MYO6: variants seen among roughly 807,000 people sequenced by gnomAD.
MYO6 encodes unconventional myosin-VI.
In MYO6, 74 loss-of-function variants were observed where a neutral mutation model predicts 178.7. The observed-to-expected ratio is 0.41, with a 90% CI of 0.34 to 0.50. MYO6 has a LOEUF of 0.50. Among genes scored for constraint, MYO6 ranks in the 20% least tolerant of loss-of-function variants. MYO6 has a pLI of 0.09. For missense variants in MYO6, 1,330 were observed against 1,547.4 expected, an observed-to-expected ratio of 0.86 and a Z score of 2.36; for synonymous variants, 477 against 504.6, an observed-to-expected ratio of 0.95 and a Z score of 0.73.
At chr6:75,895,517 A>C (rs1779224194) in intron 29 of MYO6, among the ~76,000 whole-genome samples, 1 of 150,462 alleles carries the variant, frequency 6.6e-6, no homozygotes, top group African/African-American at 2.4e-5. Context: ...TATATATATG[A>C]ATTTTTTTTT....
At chr6:75,885,107 T>G (rs1298850947) in intron 23 of MYO6, among the ~76,000 whole-genome samples, 1 of 152,202 alleles carries the variant, frequency 6.6e-6, no homozygotes, top group Non-Finnish European at 1.5e-5. Context: ...AAGGACAGCT[T>G]AGAGGTTAGA....
At chr6:75,860,450 T>G (rs1294415655) in intron 14 of MYO6, among the ~76,000 whole-genome samples, 1 of 152,226 alleles carries the variant, frequency 6.6e-6, no homozygotes, top group African/African-American at 2.4e-5. Context: ...AAAAACTTTA[T>G]CTAGAAATAT....
At chr6:75,859,533 C>T (rs1776013505) in intron 14 of MYO6, among the ~76,000 whole-genome samples, 1 of 152,070 alleles carries the variant, frequency 6.6e-6, no homozygotes, top group Non-Finnish European at 1.5e-5. Context: ...CTCTTGGCCT[C>T]AAGTAATCTG....
intron 1 of MYO6, among the ~76,000 whole-genome samples, chr6:75,796,210 T>C (rs548368050): frequency 4.6e-5 from 7 of 152,220 alleles, no homozygotes; most frequent in Non-Finnish European, 1.0e-4. Context: ...CAGTGACCTT[T>C]CTAATATGCA....
chr6:75,840,200 C>T (rs999229789), intron 7 of MYO6, among the ~76,000 whole-genome samples: 14 of 135,510 alleles, frequency 1.0e-4, no homozygotes, highest in East Asian at 8.3e-4. Context: ...TTGTTCTTGT[C>T]GCCCAGGCTG....
rs910973325 is a variant in MYO6 at position 75,914,917 on chromosome 6, C to T, written c.3763C>T (p.Arg1255Cys). The T allele has an allele frequency of 1.3e-5, 21 of 1,613,954 alleles. No individual in the cohort carries two copies. In the Middle Eastern group the frequency reaches 8.2e-4, roughly 63 times the overall value. ...AAGACAGTTTGAAGAAATCTGGGAACGCTGTGGAGGCATCCAGTACCTTCA... is the reference window on the plus strand; with the variant it reads ...AAGACAGTTTGAAGAAATCTGGGAATGCTGTGGAGGCATCCAGTACCTTCA... ...LPRQFEEIWE[R>C]CGGIQYLQNA... The change falls in exon 35 of 35, where the codon CGC (arginine) becomes TGC (cysteine). Residue 1255 changes from arginine to cysteine, a missense_variant. Physicochemically the swap from Arg to Cys is radical, Grantham distance 180 (BLOSUM62 -3). This residue lies in a region of MYO6 where 601 missense variants were observed against 626.1 expected (regional missense o/e 0.96). Coordinates refer to ENST00000369977, the MANE Select transcript of MYO6 (RefSeq NM_004999.4).
chr6:75,878,194 A>G (rs1777724988), intron 20 of MYO6, among the ~76,000 whole-genome samples: 1 of 152,128 alleles, frequency 6.6e-6, no homozygotes, highest in Non-Finnish European at 1.5e-5. Flanking sequence ...TGACCACTTA[A>G]CTCTACGTCT....
At chr6:75,890,610 G>T (rs557958887) in intron 26 of MYO6, among the ~76,000 whole-genome samples, 1 of 152,130 alleles carries the variant, frequency 6.6e-6, no homozygotes, top group Non-Finnish European at 1.5e-5. Context: ...CTCCCAAAGC[G>T]CTTGGATTAC....
At chr6:75,757,664 A>C (rs1346721237) in intron 1 of MYO6, among the ~76,000 whole-genome samples, 1 of 152,018 alleles carries the variant, frequency 6.6e-6, no homozygotes, top group Non-Finnish European at 1.5e-5. Flanking sequence ...CCTGGGTAAG[A>C]GGATAGGCAG....
chr6:75,849,380 A>G (rs1013749716), intron 11 of MYO6, among the ~76,000 whole-genome samples: 42 of 152,182 alleles, frequency 2.8e-4, no homozygotes, highest in Non-Finnish European at 5.6e-4. Flanking sequence ...GTTAAGGAAA[A>G]CCTACAGCAC....
chr6:75,861,094 A>G lies in MYO6; in HGVS notation c.1545A>G (p.Ile515Met). ...ATTATGTGGATAATCAGGACTGTAT[A>G]GGTATGTGTTTTTTAACTCCACCTT... The part of the protein sequence containing the change: ...EVHYVDNQDC[I>M]DLIEAKLVGI... The change falls in exon 15 of 35, where the codon ATA becomes ATG. Residue 515 changes from isoleucine (I) to methionine (M), a missense_variant and splice_region_variant. Ile to Met is a conservative substitution (Grantham distance 10). Around this residue, in one of 3 missense-constraint regions of MYO6, gnomAD observed 613 missense variants for 816.8 expected, o/e 0.75. Transcript: ENST00000369977. 6.2e-7 allele frequency: 1 copy of G among 1,606,220 alleles called. No individual in the cohort carries two copies. Among genetic ancestry groups the G allele is most frequent in the Non-Finnish European group, 8.5e-7 (1 of 1,173,342 alleles).
intron 19 of MYO6, among the ~76,000 whole-genome samples, chr6:75,871,406 C>G (rs541042683): frequency 2.4e-4 from 36 of 152,252 alleles, no homozygotes; most frequent in African/African-American, 7.2e-4. Context: ...TGTACCACCA[C>G]TCCTGGCTAA....
intron 7 of MYO6, 60 bp from the exon 8 acceptor site, chr6:75,840,525 G>A (rs541743209): frequency 1.9e-6 from 2 of 1,051,994 alleles, no homozygotes; most frequent in Non-Finnish European, 3.0e-6. Context: ...GATATACCAT[G>A]CATATTTTGT....
At chr6:75,892,471 G>A in intron 27 of MYO6, 59 bp from the exon 28 acceptor site, 2 of 1,606,142 alleles carry the variant, frequency 1.2e-6, no homozygotes, top group Non-Finnish European at 1.7e-6. Context: ...AGTAATAAGG[G>A]GAGTGATCAA....
intron 14 of MYO6, among the ~76,000 whole-genome samples, chr6:75,860,325 A>G (rs899869157): frequency 6.6e-6 from 1 of 152,238 alleles, no homozygotes; most frequent in Non-Finnish European, 1.5e-5. Context: ...TACCAGTAAG[A>G]TAATTTCTCT....
At chr6:75,768,166 T>G (rs1317913837) in intron 1 of MYO6, 1 of 152,192 alleles carries the variant, frequency 6.6e-6, no homozygotes, top group African/African-American at 2.4e-5. Flanking sequence ...CACCTCTCAG[T>G]GTTTTTATGG....
chr6:75,823,272 T>C (rs942735132), intron 3 of MYO6, among the ~76,000 whole-genome samples: 29 of 152,238 alleles, frequency 1.9e-4, no homozygotes, highest in African/African-American at 6.3e-4. Context: ...AAAAATTCTA[T>C]ATAATTACTA....
chr6:75,778,501 G>T (rs568743628), intron 1 of MYO6, among the ~76,000 whole-genome samples: 2 of 152,158 alleles, frequency 1.3e-5, no homozygotes, highest in East Asian at 3.9e-4. Flanking sequence ...GGCGGCTGAG[G>T]CGGGAGAATG....
intron 20 of MYO6, among the ~76,000 whole-genome samples, chr6:75,879,592 T>C (rs1349490854): frequency 1.3e-5 from 2 of 152,132 alleles, no homozygotes; most frequent in African/African-American, 4.8e-5. Context: ...AATTTGCCTC[T>C]AGAAAAGAGT....
Sources: gnomAD v4.1 joint callset for allele counts (sites outside exome capture counted in the v4.1 genomes callset) on GRCh38, gnomAD v4.1.1 for gene constraint, gnomAD v4.1.1 regional missense constraint, MANE v1.5 for transcripts, NCBI Gene and HGNC (gene_info 2026-07-23, HGNC 2026-07-21) for gene names.